GRM8: variants seen among roughly 807,000 people sequenced by gnomAD.
The protein encoded by GRM8 is metabotropic glutamate receptor 8.
In GRM8, 47 loss-of-function variants were observed where a neutral mutation model predicts 87.2. The ratio of observed to expected loss-of-function variants is 0.54; its 90% CI spans 0.43 to 0.69. The LOEUF is 0.69. Ranked by LOEUF, GRM8 falls within the 30% of genes least tolerant of loss-of-function variation. The pLI is 0.00. For synonymous variants in GRM8, 396 were observed against 404.5 expected (o/e 0.98, Z 0.25); for missense variants, 1,019 against 1,139.2 (o/e 0.89, Z 1.52).
intron 6 of GRM8, among the ~76,000 whole-genome samples, chr7:126,791,169 A>G (rs1821260942): frequency 6.6e-6 from 1 of 152,166 alleles, no homozygotes; most frequent in Non-Finnish European, 1.5e-5. Flanking sequence ...CCAGGGAGAG[A>G]GACAGGGACC....
chr7:126,932,413 C>CA (rs991669725), intron 3 of GRM8, among the ~76,000 whole-genome samples: 13 of 151,792 alleles, frequency 8.6e-5, no homozygotes, highest in South Asian at 4.2e-4. Flanking sequence ...TGGCACTACA[C>CA]AAAAAAAATC....
chr7:126,907,965 T>C (rs1802884102), intron 3 of GRM8, among the ~76,000 whole-genome samples: 2 of 152,172 alleles, frequency 1.3e-5, no homozygotes, highest in South Asian at 4.1e-4. Context: ...AACCGCTAAG[T>C]ATGACTCCAA....
At position 126,532,956 on chromosome 7, in the gene GRM8, T is replaced by G; in HGVS notation, c.2426A>C (p.Glu809Ala). The change falls in exon 9 of 11, where the codon GAA becomes GCA. Residue 809 changes from glutamate (E) to alanine (A), a missense_variant. By Grantham distance (107) the Glu-to-Ala change is moderately radical. Coordinates refer to ENST00000339582, the MANE Select transcript of GRM8 (RefSeq NM_000845.3). ...PIFFGTAQSA[E>A]KMYIQTTTLT... ...AGTGTATTTCCTTCTACTTACCTTT[T>G]CTGCTGACTGGGCTGTACCAAAAAA... The G allele has an allele frequency of 3.8e-6, 6 of 1,597,722 alleles. No homozygotes were observed. Among genetic ancestry groups the G allele is most frequent in the Non-Finnish European group, 5.1e-6 (6 of 1,170,118 alleles).
At chr7:126,844,932 A>G (rs570390214) in intron 6 of GRM8, among the ~76,000 whole-genome samples, 11 of 152,308 alleles carry the variant, frequency 7.2e-5, no homozygotes, top group African/African-American at 2.6e-4. Flanking sequence ...ATATGAACTT[A>G]TTTGTGAGAG....
At chr7:126,883,035 A>G (rs1800162159) in intron 6 of GRM8, among the ~76,000 whole-genome samples, 1 of 152,206 alleles carries the variant, frequency 6.6e-6, no homozygotes, top group South Asian at 2.1e-4. Context: ...TGAAAACTAC[A>G]GTTCATGCCC....
intron 10 of GRM8, among the ~76,000 whole-genome samples, chr7:126,442,492 G>T (rs1476954112): frequency 1.3e-5 from 2 of 151,916 alleles, no homozygotes; most frequent in Admixed American, 1.3e-4. Flanking sequence ...AAAAATGACT[G>T]TTAAAAGGGT....
At chr7:126,955,744 T>C (rs753518745) in intron 3 of GRM8, among the ~76,000 whole-genome samples, 1 of 152,188 alleles carries the variant, frequency 6.6e-6, no homozygotes, top group Non-Finnish European at 1.5e-5. Context: ...GATTCTAACA[T>C]TTTAATGATT....
chr7:126,825,489 G>A (rs966420179), intron 6 of GRM8, among the ~76,000 whole-genome samples: 1 of 152,050 alleles, frequency 6.6e-6, no homozygotes, highest in Non-Finnish European at 1.5e-5. Flanking sequence ...ACTTGCTCAG[G>A]GTCAAAAGCT....
chr7:126,926,160 A>G (rs1337377737), intron 3 of GRM8, among the ~76,000 whole-genome samples: 1 of 152,182 alleles, frequency 6.6e-6, no homozygotes, highest in East Asian at 1.9e-4. Flanking sequence ...GTTAAATGTT[A>G]CCCGTATTAT....
intron 7 of GRM8, among the ~76,000 whole-genome samples, chr7:126,663,824 T>A (rs1278642015): frequency 6.6e-6 from 1 of 152,092 alleles, no homozygotes; most frequent in African/African-American, 2.4e-5. Flanking sequence ...ATCAAAGGCA[T>A]CCAAATAGGA....
intron 2 of GRM8, among the ~76,000 whole-genome samples, chr7:127,214,578 G>C (rs1009944627): frequency 6.6e-6 from 1 of 152,226 alleles, no homozygotes; most frequent in Admixed American, 6.5e-5. Context: ...GAAGGCGAAA[G>C]AGAAGCAAGT....
At chr7:126,760,062 G>A (rs570763312) in intron 7 of GRM8, among the ~76,000 whole-genome samples, 2 of 152,180 alleles carry the variant, frequency 1.3e-5, no homozygotes, top group East Asian at 3.9e-4. Flanking sequence ...AATCTTCTCT[G>A]TTCCTACATC....
At chr7:126,558,523 C>A (rs1793378669) in intron 8 of GRM8, among the ~76,000 whole-genome samples, 1 of 152,090 alleles carries the variant, frequency 6.6e-6, no homozygotes, top group African/African-American at 2.4e-5. Context: ...ATTCTGAAGT[C>A]TTTTATATAA....
At chr7:126,690,607 C>A (rs1311786168) in intron 7 of GRM8, among the ~76,000 whole-genome samples, 2 of 152,170 alleles carry the variant, frequency 1.3e-5, no homozygotes, top group African/African-American at 4.8e-5. Context: ...ACATGGTGAG[C>A]AAGGGGTGTG....
chr7:127,225,326 A>G (rs1797252453), intron 2 of GRM8, among the ~76,000 whole-genome samples: 1 of 152,344 alleles, frequency 6.6e-6, no homozygotes, highest in East Asian at 1.9e-4. Flanking sequence ...CAAAGCCCGC[A>G]GGCTGACCTG....
At chr7:127,019,831 A>C (rs527962728) in intron 3 of GRM8, among the ~76,000 whole-genome samples, 1 of 152,072 alleles carries the variant, frequency 6.6e-6, no homozygotes, top group Admixed American at 6.6e-5. Context: ...CTGAATACCT[A>C]TATTTTGTGA....
At chr7:126,716,614 T>C (rs1811774718) in intron 7 of GRM8, among the ~76,000 whole-genome samples, 1 of 152,180 alleles carries the variant, frequency 6.6e-6, no homozygotes, top group Non-Finnish European at 1.5e-5. Flanking sequence ...TCCTGATGCA[T>C]GCTCTCTTTT....
rs938927138 is a variant in GRM8, at chr7:126,697,928, A to G, written c.1357+71937T>C. Among the ~76,000 whole-genome samples, 3 of 152,332 alleles carry G rather than the reference A, an allele frequency of 2.0e-5. No individual in the cohort carries two copies. The East Asian group carries it at 5.8e-4, about 29-fold the overall frequency. On this transcript the variant is annotated intron_variant, in intron 7 of 10. Transcript: ENST00000339582. ...TGCATCTTGAAGGAATTTTTGCACAAAACAGTTCTTTCATTTCAGAAATAA... is the reference window on the plus strand; with the variant it reads ...TGCATCTTGAAGGAATTTTTGCACAGAACAGTTCTTTCATTTCAGAAATAA...
intron 7 of GRM8, among the ~76,000 whole-genome samples, chr7:126,649,474 T>C (rs1803542665): frequency 6.6e-6 from 1 of 152,228 alleles, no homozygotes; most frequent in African/African-American, 2.4e-5. Context: ...GCTTCTCAGC[T>C]TGCAGAGAGC....
Sources: gnomAD v4.1 joint callset for allele counts (sites outside exome capture counted in the v4.1 genomes callset) on GRCh38, gnomAD v4.1.1 for gene constraint, MANE v1.5 for transcripts, NCBI Gene and HGNC (gene_info 2026-07-23, HGNC 2026-07-21) for gene names.